The following CELF2 variants were observed in gnomAD, a reference collection of about 807,000 sequenced individuals.
CELF2 encodes the protein CUG triplet repeat RNA-binding protein 2.
In CELF2, 8 loss-of-function variants were observed where a neutral mutation model predicts 62.6. That is an observed-to-expected ratio of 0.13 (90% CI 0.07 to 0.23). The LOEUF (loss-of-function observed/expected upper bound fraction) is 0.23, where lower values mean the gene tolerates loss of function less well. CELF2 is among the 10% of genes least tolerant of loss of function. The pLI, the probability that CELF2 is intolerant of heterozygous loss-of-function variation, is 1.00. For missense variants in CELF2, 333 were observed against 671.0 expected (o/e 0.50, Z 5.56); for synonymous variants, 258 against 250.0 (o/e 1.03, Z -0.30).
intron 2 of CELF2, among the ~76,000 whole-genome samples, chr10:10,979,500 G>C (rs2051785522): frequency 6.6e-6 from 1 of 151,954 alleles, no homozygotes; most frequent in African/African-American, 2.4e-5. Flanking sequence ...GTGAAACCCT[G>C]TCTCTACGAA....
chr10:10,697,242 A>T, the CELF2 span, among the ~76,000 whole-genome samples: 1 of 152,280 alleles, frequency 6.6e-6, no homozygotes, highest in South Asian at 2.1e-4. Context: ...ATGGGTGGGA[A>T]TTGCCAGCAT....
chr10:10,824,058 G>A (rs2057190495), intron 1 of CELF2, among the ~76,000 whole-genome samples: 1 of 152,142 alleles, frequency 6.6e-6, no homozygotes, highest in Non-Finnish European at 1.5e-5. Flanking sequence ...TTGTTTTACA[G>A]AAGATAGAAT....
At position 11,165,217 on chromosome 10, in the gene CELF2, G is replaced by A. The variant is rs2066702732; in HGVS notation, c.75-269G>A. ...CCTCCCGAGCCTCCAAGATGTCCAC[G>A]CCCTGGGTGACAGGCGGCAGGGCGC... is the stretch of plus-strand genomic sequence containing the variant. On this transcript the variant is annotated intron_variant, in intron 1 of 12. Coordinates refer to ENST00000633077, the MANE Select transcript of CELF2 (RefSeq NM_001326342.2). This position sits in a 1 kb window ranked among gnomAD's most constrained non-coding sequence, Gnocchi z 7.4. 1.2e-5 allele frequency: 15 copies of A among 1,298,958 alleles called. No individual in the cohort carries two copies. The highest frequency in any genetic ancestry group is 1.5e-5 in the Non-Finnish European group (15 of 1,019,150). 80.5% of individuals were successfully genotyped at this position (1,298,958 alleles called of 1,614,324 possible).
At chr10:10,485,120 A>G in the CELF2 span, among the ~76,000 whole-genome samples, 2 of 152,164 alleles carry the variant, frequency 1.3e-5, no homozygotes, top group South Asian at 4.1e-4. Context: ...CAGAAGAGTC[A>G]ACTCCTCATT....
intron 2 of CELF2, among the ~76,000 whole-genome samples, chr10:10,998,630 A>T (rs2054210475): frequency 6.6e-6 from 1 of 152,158 alleles, no homozygotes; most frequent in Non-Finnish European, 1.5e-5. Flanking sequence ...GGGGGATCTC[A>T]GTGAGGTGGG....
At chr10:10,945,265 C>A (rs146679234) in intron 2 of CELF2, among the ~76,000 whole-genome samples, 1 of 152,152 alleles carries the variant, frequency 6.6e-6, no homozygotes, top group Non-Finnish European at 1.5e-5. Flanking sequence ...TTCCCTCCTT[C>A]GGCTTCATGC....
chr10:11,129,689 T>C (rs1358673458), intron 1 of CELF2, among the ~76,000 whole-genome samples: 1 of 152,226 alleles, frequency 6.6e-6, no homozygotes, highest in Non-Finnish European at 1.5e-5. Flanking sequence ...TATTCTCTGA[T>C]GGTAGTTTGT....
At chr10:11,292,471 T>A (rs2092653015) in intron 9 of CELF2, among the ~76,000 whole-genome samples, 2 of 152,254 alleles carry the variant, frequency 1.3e-5, no homozygotes, top group African/African-American at 4.8e-5. Flanking sequence ...TGTCTGCATT[T>A]GCATCAGAGG....
chr10:10,748,244 C>G, the CELF2 span, among the ~76,000 whole-genome samples: 1 of 152,062 alleles, frequency 6.6e-6, no homozygotes, highest in Non-Finnish European at 1.5e-5. Flanking sequence ...ATGTTCCCAA[C>G]ACATAGAAAT....
chr10:10,628,186 G>A, the CELF2 span, among the ~76,000 whole-genome samples: 2 of 152,178 alleles, frequency 1.3e-5, no homozygotes, highest in Non-Finnish European at 2.9e-5. Context: ...TTACAGCCAT[G>A]AGCCACCATG....
At chr10:10,522,860 G>A in the CELF2 span, among the ~76,000 whole-genome samples, 5 of 152,176 alleles carry the variant, frequency 3.3e-5, no homozygotes, top group Admixed American at 6.5e-5. Flanking sequence ...ATAAGCCACC[G>A]TGTCTGGCCA....
rs1381057817 is a variant in CELF2 at position 11,267,023 on chromosome 10, G to A, written c.618+346G>A. Among the ~76,000 whole-genome samples the A allele has an allele frequency of 6.6e-6, 1 of 152,180 alleles. No homozygotes were observed. Among genetic ancestry groups the A allele is most frequent in the South Asian group, 2.1e-4 (1 of 4,830 alleles). On this transcript the variant is annotated intron_variant, in intron 6 of 12. Transcript: ENST00000633077. The surrounding 1 kb of genome is among the most constrained non-coding windows in gnomAD (Gnocchi z 4.4). ...AAGAATCAAATACATTCCCCACACCGGGGTCGGTGCGGATGAAACAGTAAC... is the reference window on the plus strand; with the variant it reads ...AAGAATCAAATACATTCCCCACACCAGGGTCGGTGCGGATGAAACAGTAAC...
chr10:10,736,605 G>C, the CELF2 span, among the ~76,000 whole-genome samples: 31 of 152,022 alleles, frequency 2.0e-4, 1 homozygote, highest in South Asian at 6.0e-3. Context: ...TTGCTTGTTT[G>C]CTTGCTGGGT....
chr10:10,793,898 A>C (rs1400666251), upstream of CELF2, among the ~76,000 whole-genome samples: 1 of 152,250 alleles, frequency 6.6e-6, no homozygotes, highest in African/African-American at 2.4e-5. Context: ...CATTTAGCAG[A>C]GGGTTGCCAG....
chr10:10,868,386 G>T (rs111824782), intron 1 of CELF2, among the ~76,000 whole-genome samples: 3 of 152,142 alleles, frequency 2.0e-5, no homozygotes, highest in Admixed American at 6.5e-5. Flanking sequence ...ATGTGATTTG[G>T]GTTTATTAAA....
chr10:10,969,942 C>A (rs2050582923), intron 2 of CELF2, among the ~76,000 whole-genome samples: 1 of 152,116 alleles, frequency 6.6e-6, no homozygotes, highest in Non-Finnish European at 1.5e-5. Context: ...TGGGGAGGAA[C>A]TTTCTCTTTC....
intron 1 of CELF2, among the ~76,000 whole-genome samples, chr10:11,142,577 G>A (rs765062852): frequency 1.3e-5 from 2 of 151,714 alleles, no homozygotes; most frequent in African/African-American, 2.4e-5. Flanking sequence ...CCAGCTACTC[G>A]GGAGGCTGAG....
rs1189926017 is a variant in CELF2, at chr10:11,306,222, G to T, written c.977-7917G>T. Among the ~76,000 whole-genome samples, 2 of 151,904 alleles carry T rather than the reference G, an allele frequency of 1.3e-5. No homozygotes were observed. The highest frequency in any genetic ancestry group is 4.8e-5 in the African/African-American group (2 of 41,370). On this transcript the variant is annotated intron_variant, in intron 9 of 12. Coordinates refer to ENST00000633077, the MANE Select transcript of CELF2 (RefSeq NM_001326342.2). This position sits in a 1 kb window ranked among gnomAD's most constrained non-coding sequence, Gnocchi z 4.4. ...GATGGTGCAGCCTCTGCTTGAAGAG[G>T]TGTTCTGGGAGATTATGAACCAACA... is the stretch of plus-strand genomic sequence containing the variant.
the CELF2 span, among the ~76,000 whole-genome samples, chr10:10,770,079 T>C: frequency 6.6e-6 from 1 of 152,112 alleles, no homozygotes; most frequent in Non-Finnish European, 1.5e-5. Context: ...TATAGATTGA[T>C]GTGAACAGGG....
Sources: allele counts gnomAD v4.1 joint callset (sites outside exome capture counted in the v4.1 genomes callset), GRCh38; gene constraint gnomAD v4.1.1; non-coding constraint Gnocchi (gnomAD v3.1); transcripts MANE v1.5; gene names NCBI Gene and HGNC (gene_info 2026-07-23, HGNC 2026-07-21).